The following CCDC186 variants were observed in gnomAD, a reference collection of about 807,000 sequenced individuals.
CCDC186 encodes the protein coiled-coil domain containing 186, also known as coiled-coil domain-containing protein 186.
CCDC186 carries 49 observed loss-of-function variants against 113.7 expected under a neutral mutation model. That is an observed-to-expected ratio of 0.43 (90% CI 0.34 to 0.55). The LOEUF (loss-of-function observed/expected upper bound fraction) is 0.55. Ranked by LOEUF, CCDC186 falls within the 20% of genes least tolerant of loss-of-function variation. The pLI is 0.02. For missense variants in CCDC186, 890 were observed against 1,011.1 expected (o/e 0.88, Z 1.62); for synonymous variants, 355 against 345.8 (o/e 1.03, Z -0.30).
intron 1 of CCDC186, 143 bp from the exon 2 acceptor site, chr10:114,163,472 G>T: frequency 1.4e-6 from 1 of 703,232 alleles, no homozygotes; most frequent in South Asian, 2.5e-5. Flanking sequence ...TGAGAAAAAA[G>T]AAAAAGGACT....
In CCDC186 at chr10:114,171,459, G is replaced by A. The variant is rs555034186; in HGVS notation, c.-62+2556C>T. On this transcript the variant is annotated intron_variant, in intron 1 of 15. Transcript: ENST00000369287. ...CTAGCTACTCAGGAGGCTAAGGCAG[G>A]AGGATTGCTTGAGACCAGGAGTTCA... Among the ~76,000 whole-genome samples, 17 of 152,228 alleles carry A rather than the reference G, an allele frequency of 1.1e-4. No individual in the cohort carries two copies. The South Asian group carries it at 3.5e-3, about 32-fold the overall frequency.
chr10:114,163,987 T>C (rs1261958045), intron 1 of CCDC186, among the ~76,000 whole-genome samples: 1 of 150,378 alleles, frequency 6.6e-6, no homozygotes, highest in Non-Finnish European at 1.5e-5. Context: ...AAAAAAACAA[T>C]GTCCAGTACA....
intron 6 of CCDC186, among the ~76,000 whole-genome samples, chr10:114,137,760 G>T (rs1257349904): frequency 1.3e-5 from 2 of 152,080 alleles, no homozygotes; most frequent in African/African-American, 4.8e-5. Flanking sequence ...AAATTGGCCA[G>T]GCATGGTGGC....
At chr10:114,141,663 G>A (rs1319392255) in intron 6 of CCDC186, among the ~76,000 whole-genome samples, 7 of 151,378 alleles carry the variant, frequency 4.6e-5, no homozygotes, top group Non-Finnish European at 7.4e-5. Flanking sequence ...ACACATACAC[G>A]CACGCACGCA....
In CCDC186 at chr10:114,138,277, CAAA is replaced by C. The variant is rs1287067750; in HGVS notation, c.1222-990_1222-988del. 1.7e-3 allele frequency among the ~76,000 whole-genome samples: 219 copies of C among 132,256 alleles called. 2 individuals are homozygous for C. Among genetic ancestry groups the C allele is most frequent in the African/African-American group, 6.4e-3 (211 of 33,084 alleles). The allele number at this position is 132,256 out of a possible 152,430, so 86.8% of individuals were successfully genotyped here. On this transcript the variant is annotated intron_variant, in intron 6 of 15. Coordinates refer to ENST00000369287, the MANE Select transcript of CCDC186 (RefSeq NM_018017.4). ...CAAAACAAAACAAAACAAAACAAAA[CAAA>C]ACATAAAAACTTTTTTTTTTTTTTT...
Position 114,145,618 on chromosome 10 carries a change from C to A in CCDC186, c.1032G>T (p.Glu344Asp), listed in dbSNP as rs1416863841. ...KKLRDANKELEKNTNKIKQLS... is the reference protein window; with the variant it reads ...KKLRDANKELDKNTNKIKQLS... ...GCTGCTTAATTTTGTTAGTGTTTTT[C>A]TCAAGTTCCTTATTTGCATCTCTAA... Residue 344 changes from glutamate (E) to aspartate (D), a missense_variant, in exon 5 of 16, where the codon GAG becomes GAT. Glu to Asp is a conservative substitution (Grantham distance 45, BLOSUM62 2). Transcript: ENST00000369287. 6.2e-7 allele frequency: 1 copy of A among 1,612,974 alleles called. No individual in the cohort carries two copies. Among genetic ancestry groups the A allele is most frequent in the Non-Finnish European group, 8.5e-7 (1 of 1,179,836 alleles).
intron 3 of CCDC186, among the ~76,000 whole-genome samples, chr10:114,152,928 C>G (rs1220332023): frequency 2.0e-5 from 3 of 152,082 alleles, no homozygotes. Flanking sequence ...TCAGAAAGAT[C>G]TAACAGATAA....
intron 1 of CCDC186, among the ~76,000 whole-genome samples, chr10:114,166,534 T>C (rs2119819247): frequency 6.6e-6 from 1 of 152,366 alleles, no homozygotes; most frequent in South Asian, 2.1e-4. Context: ...GCCTTTTAAA[T>C]GATCTTTGTA....
rs1564905568 is a variant in CCDC186, at chr10:114,131,247, T to G, written c.2001A>C (p.Lys667Asn). 6.2e-7 allele frequency: 1 copy of G among 1,604,032 alleles called. No individual in the cohort carries two copies. Among genetic ancestry groups the G allele is most frequent in the Non-Finnish European group, 8.5e-7 (1 of 1,175,804 alleles). Reference sequence around the variant, plus strand: ...ATTCTTCTACCTGGGTACTCAATGCTTTAACTTCTGTTTGTCTACAAGCGA... The same window carrying G: ...ATTCTTCTACCTGGGTACTCAATGCGTTAACTTCTGTTTGTCTACAAGCGA... ...AELACRQTEVKALSTQVEELK... is the reference protein window; with the variant it reads ...AELACRQTEVNALSTQVEELK... The change falls in exon 12 of 16, where the codon AAA (lysine) becomes AAC (asparagine). Residue 667 changes from lysine (K) to asparagine (N), a missense_variant. Transcript: ENST00000369287.
chr10:114,137,676 G>A (rs1049972283), intron 6 of CCDC186, among the ~76,000 whole-genome samples: 6 of 152,118 alleles, frequency 3.9e-5, no homozygotes, highest in African/African-American at 1.4e-4. Context: ...GTGGAGGCGG[G>A]TGGATAACCT....
Position 114,157,663 on chromosome 10 carries a change from TTA to T in CCDC186, c.648_649del (p.Asn216LysfsTer28). On this transcript the variant is annotated frameshift_variant, in exon 3 of 16. Transcript: ENST00000369287. LOFTEE classifies it high-confidence loss of function. The stretch of plus-strand genomic sequence containing the variant: ...GTCTACGAAGAGCTCCTGATGCTTC[TTA>T]TTTTCTTTAATTAACCTAAATATAA... 6.3e-7 allele frequency: 1 copy of T among 1,588,808 alleles called. No homozygotes were observed. Among genetic ancestry groups the T allele is most frequent in the Non-Finnish European group, 8.5e-7 (1 of 1,170,606 alleles).
chr10:114,139,417 G>A (rs547303997), intron 6 of CCDC186, among the ~76,000 whole-genome samples: 1 of 152,018 alleles, frequency 6.6e-6, no homozygotes, highest in South Asian at 2.1e-4. Flanking sequence ...ACAAAAATTA[G>A]CCGGGTGTGG....
chr10:114,164,142 T>TA lies in CCDC186; in HGVS notation c.-61-814dup, dbSNP rs529654315. On this transcript the variant is annotated intron_variant, in intron 1 of 15. Transcript: ENST00000369287. ...TTTTTTTTTTTTTTTTTTTTTGGGATAGAGTCTCACTGTCGTTGCCCGGGC... is the reference window on the plus strand; with the variant it reads ...TTTTTTTTTTTTTTTTTTTTTGGGATAAGAGTCTCACTGTCGTTGCCCGGGC... 2.5e-4 allele frequency among the ~76,000 whole-genome samples: 31 copies of TA among 121,570 alleles called. No individual in the cohort carries two copies. In the East Asian group the frequency reaches 6.4e-3, roughly 25 times the overall value. The allele number at this position is 121,570 out of a possible 152,430, so 79.8% of individuals were successfully genotyped here. A position where few individuals can be genotyped will look rare whatever the true frequency, so the allele number is the denominator to read the frequency against.
chr10:114,135,876 T>TA lies in CCDC186; in HGVS notation c.1512+14dup. 1 of 1,579,940 alleles carries TA rather than the reference T, an allele frequency of 6.3e-7. No individual in the cohort carries two copies. The highest frequency in any genetic ancestry group is 8.7e-7 in the Non-Finnish European group (1 of 1,152,028). Reference sequence around the variant, plus strand: ...TTTACCCTTCCTCTGGATTCATGACTAAAGACTGAATTACCTTTGTTCTCA... The same window carrying TA: ...TTTACCCTTCCTCTGGATTCATGACTAAAAGACTGAATTACCTTTGTTCTCA... On this transcript the variant is annotated intron_variant, in intron 9 of 15. Coordinates refer to ENST00000369287, the MANE Select transcript of CCDC186 (RefSeq NM_018017.4).
rs892685680 is a variant in CCDC186 at position 114,124,977 on chromosome 10, A to G, written c.*166T>C. 1.8e-6 allele frequency: 1 copy of G among 555,500 alleles called. No homozygotes were observed. Among genetic ancestry groups the G allele is most frequent in the Admixed American group, 3.6e-5 (1 of 27,498 alleles). The allele number at this position is 555,500 out of a possible 1,614,324, so 34.4% of individuals were successfully genotyped here. A position where few individuals can be genotyped will look rare whatever the true frequency, so the allele number is the denominator to read the frequency against. On this transcript the variant is annotated 3_prime_UTR_variant, in exon 16 of 16. Transcript: ENST00000369287. ...CAAAGCTTTCAGTCTTACAGTATAT[A>G]CAGCAATGCATTCATATTGTAAAAG...
intron 13 of CCDC186, among the ~76,000 whole-genome samples, chr10:114,128,838 A>T (rs1295446001): frequency 6.6e-6 from 1 of 152,246 alleles, no homozygotes; most frequent in Non-Finnish European, 1.5e-5. Context: ...ACATGTGCAC[A>T]TATATGTAAA....
chr10:114,133,186 A>G (rs1300142552), intron 10 of CCDC186, among the ~76,000 whole-genome samples: 3 of 152,206 alleles, frequency 2.0e-5, no homozygotes, highest in African/African-American at 7.2e-5. Context: ...AGCTTGGACT[A>G]TGGTAGTAGC....
rs552404135 is a variant in CCDC186, at chr10:114,173,229, T to C, written c.-62+786A>G. On this transcript the variant is annotated intron_variant, in intron 1 of 15. Transcript: ENST00000369287. ...TCAAGTGAAAGAAGTAGGATTCTAA[T>C]CCAGATGTTCTGACTCGAAATCCAG... 149 of 455,624 alleles carry C rather than the reference T, an allele frequency of 3.3e-4. 3 individuals are homozygous for C. Among genetic ancestry groups the C allele is most frequent in the South Asian group, 2.2e-3 (141 of 64,532 alleles). The allele number at this position is 455,624 out of a possible 1,614,324, so 28.2% of individuals were successfully genotyped here.
chr10:114,165,890 C>A (rs1235798204), intron 1 of CCDC186: 2 of 973,212 alleles, frequency 2.1e-6, no homozygotes, highest in South Asian at 4.7e-5. Flanking sequence ...ATCTTTGAGT[C>A]AAATTATACC....
Sources: allele counts gnomAD v4.1 joint callset (sites outside exome capture counted in the v4.1 genomes callset), GRCh38; gene constraint gnomAD v4.1.1; transcripts MANE v1.5; gene names NCBI Gene and HGNC (gene_info 2026-07-23, HGNC 2026-07-21).